LRRIQ3: variants seen among roughly 807,000 people sequenced by gnomAD.
LRRIQ3 encodes leucine-rich repeat and IQ domain-containing protein 3.
A neutral mutation model predicts 59.3 loss-of-function variants in LRRIQ3; 75 were observed. That is an observed-to-expected ratio of 1.26 (90% CI 1.05 to 1.53). The LOEUF is 1.53. Among genes scored for constraint, LRRIQ3 ranks in the 40% most tolerant of loss-of-function variants. The pLI, the probability that LRRIQ3 is intolerant of heterozygous loss-of-function variation, is 0.00. For synonymous variants in LRRIQ3, 250 were observed against 231.3 expected, an observed-to-expected ratio of 1.08 and a Z score of -0.73; for missense variants, 831 against 710.0, an observed-to-expected ratio of 1.17 and a Z score of -1.94.
chr1:74,179,191 A>G (rs1030667894), intron 3 of LRRIQ3, among the ~76,000 whole-genome samples: 41 of 152,056 alleles, frequency 2.7e-4, no homozygotes, highest in African/African-American at 8.9e-4. Flanking sequence ...ATATCCTTCT[A>G]TGATATGATT....
intron 5 of LRRIQ3, among the ~76,000 whole-genome samples, chr1:74,101,884 G>A (rs1399990221): frequency 1.3e-5 from 2 of 151,970 alleles, no homozygotes; most frequent in Non-Finnish European, 2.9e-5. Flanking sequence ...ACAGGAAGGG[G>A]AACATCACAC....
chr1:74,162,258 T>C (rs960516297), intron 3 of LRRIQ3, among the ~76,000 whole-genome samples: 2 of 151,834 alleles, frequency 1.3e-5, no homozygotes, highest in Admixed American at 1.3e-4. Context: ...AAAAGAGACG[T>C]GTACTAATTA....
intron 3 of LRRIQ3, among the ~76,000 whole-genome samples, chr1:74,173,494 A>G (rs1463446856): frequency 6.6e-6 from 1 of 151,388 alleles, no homozygotes; most frequent in East Asian, 1.9e-4. Flanking sequence ...CTTTGATGCT[A>G]TTTTATCTTT....
At chr1:74,042,714 T>C (rs759249089) in intron 6 of LRRIQ3, among the ~76,000 whole-genome samples, 10 of 152,242 alleles carry the variant, frequency 6.6e-5, no homozygotes, top group Non-Finnish European at 1.3e-4. Flanking sequence ...GTAGCAGCCA[T>C]CAATCGTTTT....
At chr1:74,075,575 A>G (rs1463206492) in intron 5 of LRRIQ3, among the ~76,000 whole-genome samples, 2 of 152,128 alleles carry the variant, frequency 1.3e-5, no homozygotes, top group African/African-American at 2.4e-5. Context: ...TCAGAAAAAA[A>G]AAAAAAGAAA....
At chr1:74,034,621 C>T (rs1653812492) in intron 7 of LRRIQ3, among the ~76,000 whole-genome samples, 2 of 117,860 alleles carry the variant, frequency 1.7e-5, no homozygotes, top group South Asian at 3.2e-4. Context: ...GGAAATATTT[C>T]CAAAGCACAC....
At chr1:74,054,901 C>A (rs1654479510) in intron 6 of LRRIQ3, among the ~76,000 whole-genome samples, 1 of 146,104 alleles carries the variant, frequency 6.8e-6, no homozygotes, top group South Asian at 2.1e-4. Context: ...TTATGAATTA[C>A]AACTATAAAT....
chr1:74,090,324 T>G (rs1202950311), intron 5 of LRRIQ3, among the ~76,000 whole-genome samples: 1 of 67,596 alleles, frequency 1.5e-5, no homozygotes, highest in Non-Finnish European at 4.1e-5. Context: ...ATCTACAAAA[T>G]AGTTTTTTTT....
At chr1:74,064,558 A>G (rs1483789) in intron 6 of LRRIQ3, among the ~76,000 whole-genome samples, 128,838 of 151,814 alleles carry the variant, frequency 0.85, 55,555 homozygotes, top group East Asian at 0.97. Context: ...CTTTCAACTC[A>G]TGGAACTTTC....
chr1:74,041,022 G>A (rs1654027473), intron 7 of LRRIQ3, among the ~76,000 whole-genome samples, 191 bp downstream of exon 7: 2 of 151,598 alleles, frequency 1.3e-5, no homozygotes, highest in African/African-American at 4.8e-5. Context: ...GAGAGATGGG[G>A]AAAGACAGAG....
chr1:74,101,523 T>C (rs1646533237), intron 5 of LRRIQ3, among the ~76,000 whole-genome samples: 1 of 152,128 alleles, frequency 6.6e-6, no homozygotes, highest in African/African-American at 2.4e-5. Context: ...GATCTTGAAC[T>C]AGAAATACCA....
rs1653504583 is a variant in LRRIQ3 at position 74,026,053 on chromosome 1, C to T, written c.*760G>A. On this transcript the variant is annotated 3_prime_UTR_variant, in exon 8 of 8. Transcript: ENST00000354431. Reference sequence around the variant, plus strand: ...TTTAACAGTTTATTTTTCAAATTTTCTACCATTGGTATGTATTAAACAGAC... The same window carrying T: ...TTTAACAGTTTATTTTTCAAATTTTTTACCATTGGTATGTATTAAACAGAC... 6.6e-6 allele frequency: 1 copy of T among 151,808 alleles called. No individual in the cohort carries two copies. The highest frequency in any genetic ancestry group is 1.5e-5 in the Non-Finnish European group (1 of 67,864). The allele number at this position is 151,808 out of a possible 1,614,324, so 9.4% of individuals were successfully genotyped here.
At chr1:74,081,736 G>A (rs1422223589) in intron 5 of LRRIQ3, among the ~76,000 whole-genome samples, 1 of 150,224 alleles carries the variant, frequency 6.7e-6, no homozygotes. Context: ...TCTAGTACGT[G>A]GATTACATTA....
intron 5 of LRRIQ3, chr1:74,082,965 A>T (rs1646289144): frequency 1.3e-5 from 2 of 151,664 alleles, no homozygotes; most frequent in African/African-American, 4.8e-5. Context: ...GTAAGTTTTT[A>T]TTACAATACT....
chr1:74,116,550 T>G (rs1394305620), intron 4 of LRRIQ3, among the ~76,000 whole-genome samples: 1 of 152,062 alleles, frequency 6.6e-6, no homozygotes, highest in Non-Finnish European at 1.5e-5. Context: ...ATTTTACAAT[T>G]CAATACACAG....
chr1:74,082,285 C>A (rs1444744560), intron 5 of LRRIQ3: 1 of 151,470 alleles, frequency 6.6e-6, no homozygotes, highest in Admixed American at 6.6e-5. Flanking sequence ...TTAAAATCTG[C>A]ATTTTATTAA....
intron 3 of LRRIQ3, among the ~76,000 whole-genome samples, chr1:74,157,475 A>C (rs959953758): frequency 6.6e-6 from 1 of 152,018 alleles, no homozygotes; most frequent in East Asian, 1.9e-4. Context: ...CCTAACTCTC[A>C]ATCCTTTATA....
At chr1:74,132,816 T>G (rs1389973661) in intron 4 of LRRIQ3, among the ~76,000 whole-genome samples, 1 of 152,176 alleles carries the variant, frequency 6.6e-6, no homozygotes, top group South Asian at 2.1e-4. Context: ...AAGGACTTCA[T>G]GTCTAAAACA....
chr1:74,139,923 T>G (rs1452871962), intron 4 of LRRIQ3, among the ~76,000 whole-genome samples: 1 of 151,848 alleles, frequency 6.6e-6, no homozygotes, highest in Non-Finnish European at 1.5e-5. Flanking sequence ...TCTTCAAAAT[T>G]GGAAATATAG....
Sources: allele counts gnomAD v4.1 joint callset (sites outside exome capture counted in the v4.1 genomes callset), GRCh38; gene constraint gnomAD v4.1.1; transcripts MANE v1.5; gene names NCBI Gene and HGNC (gene_info 2026-07-23, HGNC 2026-07-21).